The following LMLN variants were observed in gnomAD, a reference collection of about 807,000 sequenced individuals.
LMLN encodes the protein leishmanolysin-like peptidase.
LMLN carries 70 observed loss-of-function variants against 92.3 expected under a neutral mutation model. The ratio of observed to expected loss-of-function variants is 0.76; its 90% CI spans 0.63 to 0.92. The LOEUF (loss-of-function observed/expected upper bound fraction) is 0.92. Ranked by LOEUF, LMLN falls within the 40% of genes least tolerant of loss-of-function variation. LMLN has a pLI of 0.00. For synonymous variants in LMLN, 308 were observed against 296.2 expected (o/e 1.04, Z -0.41); for missense variants, 691 against 814.6 (o/e 0.85, Z 1.85).
At chr3:197,965,171 C>T (rs1460118862) in intron 1 of LMLN, among the ~76,000 whole-genome samples, 1 of 152,090 alleles carries the variant, frequency 6.6e-6, no homozygotes, top group Admixed American at 6.6e-5. Context: ...CATGCCACCA[C>T]ACCTGGCACA....
intron 14 of LMLN, among the ~76,000 whole-genome samples, chr3:198,029,186 C>G (rs1723012798): frequency 6.6e-6 from 1 of 152,182 alleles, no homozygotes; most frequent in Non-Finnish European, 1.5e-5. Context: ...AGATTACTCT[C>G]CTATTGAAAT....
chr3:197,974,948 G>A (rs1721326793), intron 2 of LMLN, 94 bp from the exon 3 acceptor site: 2 of 805,276 alleles, frequency 2.5e-6, no homozygotes, highest in Non-Finnish European at 4.3e-6. Flanking sequence ...GCAGGCCCAA[G>A]GCCTGCTGGT....
rs192092647 is a variant in LMLN at position 198,010,761 on chromosome 3, T to C, written c.1233-8492T>C. 1.3e-3 allele frequency among the ~76,000 whole-genome samples: 202 copies of C among 152,320 alleles called. 2 individuals are homozygous for C. Among genetic ancestry groups the C allele is most frequent in the African/African-American group, 4.5e-3 (189 of 41,574 alleles). On this transcript the variant is annotated intron_variant, in intron 11 of 15. Coordinates refer to ENST00000330198, the Ensembl canonical transcript of LMLN. ...CCACTGTGCCTGGCCTATTTTTCTC[T>C]TCTTAATCTTGATTTTTGAGATTAT...
intron 8 of LMLN, 96 bp from the exon 9 acceptor site, chr3:197,990,463 G>T (rs759469886): frequency 7.3e-6 from 4 of 551,262 alleles, no homozygotes; most frequent in Non-Finnish European, 1.3e-5. Flanking sequence ...ATTTCATATT[G>T]ATATTTATAA....
At chr3:198,020,902 C>T (rs543101348) in intron 12 of LMLN, among the ~76,000 whole-genome samples, 195 of 144,946 alleles carry the variant, frequency 1.3e-3, no homozygotes, top group Admixed American at 2.4e-3. Flanking sequence ...GGATTACAGG[C>T]GTGATCCACC....
At chr3:198,038,870 A>C in exon 16 of LMLN, 1 of 464,718 alleles carries the variant, frequency 2.2e-6, no homozygotes. Flanking sequence ...TTCATCAGCA[A>C]CCCAACCACC....
At position 198,021,944 on chromosome 3, in the gene LMLN, G is replaced by A. The variant is rs556345880; in HGVS notation, c.1525+339G>A. Among the ~76,000 whole-genome samples the A allele has an allele frequency of 2.2e-4, 33 of 152,290 alleles. No individual in the cohort carries two copies. In the South Asian group the frequency reaches 6.6e-3, roughly 31 times the overall value. ...CTGCACGGCACTTTCCATTTGCAAAGCACTTTCATTCTTAACATTTTATTC... is the reference window on the plus strand; with the variant it reads ...CTGCACGGCACTTTCCATTTGCAAAACACTTTCATTCTTAACATTTTATTC... On this transcript the variant is annotated intron_variant, in intron 13 of 15. Coordinates refer to ENST00000330198, the Ensembl canonical transcript of LMLN.
intron 14 of LMLN, among the ~76,000 whole-genome samples, chr3:198,035,439 T>G (rs998770511): frequency 6.3e-5 from 9 of 143,258 alleles, no homozygotes; most frequent in Non-Finnish European, 1.2e-4. Flanking sequence ...CTCGGCTCAC[T>G]GCAACCTCTG....
chr3:198,017,967 C>T (rs1722684832), intron 11 of LMLN, among the ~76,000 whole-genome samples: 2 of 152,262 alleles, frequency 1.3e-5, no homozygotes, highest in South Asian at 4.1e-4. Context: ...TTTGAAGTGA[C>T]ATACATGATT....
At chr3:198,029,346 A>G (rs1191081324) in intron 14 of LMLN, among the ~76,000 whole-genome samples, 1 of 152,142 alleles carries the variant, frequency 6.6e-6, no homozygotes, top group African/African-American at 2.4e-5. Flanking sequence ...TTTACATGCA[A>G]ATAGTTTGAA....
chr3:197,990,784 A>G (rs1299396290), intron 9 of LMLN, 108 bp downstream of exon 9: 7 of 579,154 alleles, frequency 1.2e-5, no homozygotes, highest in Non-Finnish European at 2.2e-5. Context: ...TAGAGCCTAT[A>G]GTAGGAAAAG....
At chr3:197,970,534 G>A (rs67934849) in intron 1 of LMLN, among the ~76,000 whole-genome samples, 31,265 of 152,156 alleles carry the variant, frequency 0.21, 5,181 homozygotes, top group African/African-American at 0.46. Context: ...TGCACAAAGT[G>A]TGGTCTACCA....
Position 198,042,067 on chromosome 3 carries a change from T to C in LMLN, c.*3400T>C, listed in dbSNP as rs1723421332. On this transcript the variant is annotated 3_prime_UTR_variant, in exon 16 of 16. Transcript: ENST00000330198. The surrounding 1 kb of genome is among the most constrained non-coding windows in gnomAD (Gnocchi z 4.2). ...GACAAATGTGAAACTGGATAAAGTA[T>C]GGATAAAGTCTTGAGTTCCTCAGGG... The C allele has an allele frequency of 6.6e-6, 1 of 152,190 alleles. No individual in the cohort carries two copies. The highest frequency in any genetic ancestry group is 1.5e-5 in the Non-Finnish European group (1 of 68,040). The allele number at this position is 152,190 out of a possible 1,614,324, so 9.4% of individuals were successfully genotyped here. A position where few individuals can be genotyped will look rare whatever the true frequency, so the allele number is the denominator to read the frequency against.
chr3:197,990,638 C>A lies in LMLN; in HGVS notation c.1009C>A (p.Arg337Ser), dbSNP rs374778218. 6 of 1,599,298 alleles carry A rather than the reference C, an allele frequency of 3.8e-6. No individual in the cohort carries two copies. The African/African-American group carries it at 6.7e-5, about 18-fold the overall frequency. ...GGATGTTCGAGATAATAAGATAGTT[C>A]GTCACACTGTGTATCTCCTGGTAAC... Residue 337 changes from arginine to serine, a missense_variant, in exon 9 of 16, where the codon CGT (arginine) becomes AGT (serine). Arg to Ser is a moderately radical substitution (Grantham distance 110, BLOSUM62 -1). Coordinates refer to ENST00000330198, the Ensembl canonical transcript of LMLN.
chr3:197,979,925 T>G (rs1160503627), intron 5 of LMLN, among the ~76,000 whole-genome samples: 1 of 152,220 alleles, frequency 6.6e-6, no homozygotes, highest in Non-Finnish European at 1.5e-5. Context: ...TAGGTAAGAT[T>G]TTTTTTACCA....
chr3:198,021,379 T>C, intron 12 of LMLN, 67 bp from the exon 14 acceptor site: 2 of 1,436,610 alleles, frequency 1.4e-6, no homozygotes, highest in South Asian at 2.4e-5. Flanking sequence ...AGAAATTGCC[T>C]GTGCACTTCC....
chr3:198,003,354 A>G (rs1364137662), intron 11 of LMLN, among the ~76,000 whole-genome samples: 1 of 152,182 alleles, frequency 6.6e-6, no homozygotes, highest in Non-Finnish European at 1.5e-5. Context: ...ACAGCCATGA[A>G]CATTTCTATT....
rs539749539 is a variant in LMLN at position 197,969,295 on chromosome 3, A to C, written c.220-5082A>C. Among the ~76,000 whole-genome samples the C allele has an allele frequency of 1.1e-4, 16 of 152,148 alleles. No individual in the cohort carries two copies. The East Asian group carries it at 2.3e-3, about 22-fold the overall frequency. ...TATATATATTTTTTTTAGTATCTTA[A>C]GGTGGAACCTTAGATCATGAATTTG... On this transcript the variant is annotated intron_variant, in intron 1 of 15. Coordinates refer to ENST00000330198, the Ensembl canonical transcript of LMLN.
At chr3:198,029,524 T>G (rs1470602547) in intron 14 of LMLN, among the ~76,000 whole-genome samples, 1 of 151,954 alleles carries the variant, frequency 6.6e-6, no homozygotes, top group Non-Finnish European at 1.5e-5. Flanking sequence ...ATACAAAAAT[T>G]AGCCGGGCAT....
Sources: gnomAD v4.1 joint callset for allele counts (sites outside exome capture counted in the v4.1 genomes callset) on GRCh38, gnomAD v4.1.1 for gene constraint, Gnocchi (gnomAD v3.1) non-coding constraint, MANE v1.5 for transcripts, NCBI Gene and HGNC (gene_info 2026-07-23, HGNC 2026-07-21) for gene names.